CASZ1: variants seen among roughly 807,000 people sequenced by gnomAD.
CASZ1 encodes the protein zinc finger protein castor homolog 1.
In CASZ1, 28 loss-of-function variants were observed where a neutral mutation model predicts 135.2. That is an observed-to-expected ratio of 0.21 (90% CI 0.15 to 0.28). CASZ1 has a LOEUF of 0.28. Ranked by LOEUF, CASZ1 falls within the 10% of genes least tolerant of loss-of-function variation. The pLI is 1.00. For synonymous variants in CASZ1, 1,068 were observed against 1,073.4 expected, an observed-to-expected ratio of 0.99 and a Z score of 0.10; for missense variants, 2,161 against 2,453.3, an observed-to-expected ratio of 0.88 and a Z score of 2.52.
rs1639777010 is a variant in CASZ1 at position 10,735,359 on chromosome 1, G to A, written c.-77+25342C>T. ...CCACGGGCCCCAAGCTGCATTCTGAGCTGACGAGAGAGGCGCCTGCAAACG... is the reference window on the plus strand; with the variant it reads ...CCACGGGCCCCAAGCTGCATTCTGAACTGACGAGAGAGGCGCCTGCAAACG... On this transcript the variant is annotated intron_variant, in intron 2 of 20. Transcript: ENST00000377022. The surrounding 1 kb of genome is among the most constrained non-coding windows in gnomAD (Gnocchi z 5.1). Among the ~76,000 whole-genome samples, 1 of 152,200 alleles carries A rather than the reference G, an allele frequency of 6.6e-6. No homozygotes were observed. Among genetic ancestry groups the A allele is most frequent in the Non-Finnish European group, 1.5e-5 (1 of 68,030 alleles).
At position 10,747,701 on chromosome 1, in the gene CASZ1, T is replaced by C. The variant is rs774754095; in HGVS notation, c.-77+13000A>G. 6.6e-6 allele frequency among the ~76,000 whole-genome samples: 1 copy of C among 152,068 alleles called. No homozygotes were observed. The highest frequency in any genetic ancestry group is 1.5e-5 in the Non-Finnish European group (1 of 68,010). On this transcript the variant is annotated intron_variant, in intron 2 of 20. Coordinates refer to ENST00000377022, the MANE Select transcript of CASZ1 (RefSeq NM_001079843.3). The surrounding 1 kb of genome is among the most constrained non-coding windows in gnomAD (Gnocchi z 4.3). ...CACACTGAAGACCCCCACTCTGCTC[T>C]CTTGTGGGTCACTGCAGCTGCCTGG...
intron 5 of CASZ1, chr1:10,660,868 G>A (rs1403839535): frequency 3.2e-6 from 1 of 316,396 alleles, no homozygotes; most frequent in African/African-American, 2.2e-5. Flanking sequence ...TAATATGAAA[G>A]AGAAGTCATT....
At chr1:10,789,729 G>T (rs1640921576) in intron 1 of CASZ1, among the ~76,000 whole-genome samples, 1 of 151,872 alleles carries the variant, frequency 6.6e-6, no homozygotes, top group Non-Finnish European at 1.5e-5. Context: ...CCTTCTCCCT[G>T]GTTGTCCTCA....
At chr1:10,654,391 C>T (rs747801443) in intron 10 of CASZ1, 28 bp downstream of exon 10, 60 of 1,607,274 alleles carry the variant, frequency 3.7e-5, no homozygotes, top group South Asian at 1.0e-4. Flanking sequence ...CTTCTGCCCA[C>T]GAAGGCCCCC....
Position 10,693,497 on chromosome 1 carries a change from C to CAAAAAAAAA in CASZ1, c.16+368_16+376dup, listed in dbSNP as rs1172496673. Among the ~76,000 whole-genome samples, 37 of 23,286 alleles carry CAAAAAAAAA rather than the reference C, an allele frequency of 1.6e-3. 8 individuals are homozygous for CAAAAAAAAA. The highest frequency in any genetic ancestry group is 6.3e-3 in the African/African-American group (35 of 5,586). The allele number at this position is 23,286 out of a possible 152,430, so 15.3% of individuals were successfully genotyped here. On this transcript the variant is annotated intron_variant, in intron 4 of 20. Coordinates refer to ENST00000377022, the MANE Select transcript of CASZ1 (RefSeq NM_001079843.3). Reference sequence around the variant, plus strand: ...GACACACAAAGATCTTTGCAGAGAACAAAAAAAAAAAAAAAAAAAAAAAAA... The same window carrying CAAAAAAAAA: ...GACACACAAAGATCTTTGCAGAGAACAAAAAAAAAAAAAAAAAAAAAAAAAAAAAAAAAA...
chr1:10,714,622 G>T (rs1639345649), intron 2 of CASZ1, among the ~76,000 whole-genome samples: 1 of 152,240 alleles, frequency 6.6e-6, no homozygotes, highest in South Asian at 2.1e-4. Flanking sequence ...TGCCCAGCCA[G>T]GAATGTGCTC....
intron 4 of CASZ1, among the ~76,000 whole-genome samples, chr1:10,672,209 C>G (rs188493533): frequency 0.024 from 3,419 of 143,760 alleles, 75 homozygotes; most frequent in Non-Finnish European, 0.038. Context: ...CTTCTCCCCC[C>G]TCCCCCCGCC....
rs1226035636 is a variant in CASZ1 at position 10,653,531 on chromosome 1, C to T, written c.2526G>A (p.Ser842=). 1.4e-5 allele frequency: 22 copies of T among 1,603,508 alleles called. No individual in the cohort carries two copies. Among genetic ancestry groups the T allele is most frequent in the African/African-American group, 4.0e-5 (3 of 74,804 alleles). ...ATPDTPTLVA[S]GAGDSAPVAA... ...CCACGGGGGCTGAGTCTCCAGCTCC[C>T]GAGGCGACCAGCGTGGGTGTGTCAG... The change falls in exon 11 of 21, where the codon TCG becomes TCA. Residue 842 remains serine, a synonymous_variant. Transcript: ENST00000377022.
In CASZ1 at chr1:10,759,027, G is replaced by A. The variant is rs895663913; in HGVS notation, c.-77+1674C>T. ...TGCATGACCCCTGGGAGTCAACAGC[G>A]AATGGAAACTTCAGAAAGGGAAAAA... is the stretch of plus-strand genomic sequence containing the variant. On this transcript the variant is annotated intron_variant, in intron 2 of 20. Coordinates refer to ENST00000377022, the MANE Select transcript of CASZ1 (RefSeq NM_001079843.3). This position sits in a 1 kb window ranked among gnomAD's most constrained non-coding sequence, Gnocchi z 4.2. 3.7e-4 allele frequency among the ~76,000 whole-genome samples: 56 copies of A among 152,288 alleles called. No homozygotes were observed. The highest frequency in any genetic ancestry group is 1.2e-3 in the African/African-American group (51 of 41,552).
chr1:10,740,625 T>C (rs1483751716), intron 2 of CASZ1, among the ~76,000 whole-genome samples: 1 of 152,094 alleles, frequency 6.6e-6, no homozygotes, highest in African/African-American at 2.4e-5. Flanking sequence ...GAAGAGAAAC[T>C]GCAAATTGCG....
chr1:10,740,932 T>A (rs1444894270), intron 2 of CASZ1, among the ~76,000 whole-genome samples: 14 of 119,436 alleles, frequency 1.2e-4, no homozygotes, highest in Admixed American at 2.6e-4. Context: ...CACACCAGCC[T>A]GGGCGACAGG....
intron 1 of CASZ1, among the ~76,000 whole-genome samples, chr1:10,766,552 G>C (rs1011887204): frequency 4.6e-5 from 7 of 152,194 alleles, no homozygotes; most frequent in Admixed American, 6.5e-5. Flanking sequence ...TTCTGGCCGG[G>C]CTGAAAGGTG....
chr1:10,639,089 G>C lies in CASZ1; in HGVS notation c.5133C>G (p.Asp1711Glu), dbSNP rs1454111756. 9.6e-7 allele frequency: 1 copy of C among 1,041,772 alleles called. No individual in the cohort carries two copies. Among genetic ancestry groups the C allele is most frequent in the Non-Finnish European group, 1.2e-6 (1 of 832,780 alleles). 64.5% of individuals were successfully genotyped at this position (1,041,772 alleles called of 1,614,324 possible). The part of the protein sequence containing the change: ...DDDEDDDEDD[D>E]DEDLRTDSEE... ...CCGAGTCGGTGCGCAGGTCCTCGTC[G>C]TCGTCGTCCTCGTCGTCGTCCTCGT... is the stretch of plus-strand genomic sequence containing the variant. Residue 1711 changes from aspartate (D) to glutamate (E), a missense_variant, in exon 21 of 21, where the codon GAC (aspartate) becomes GAG (glutamate). By Grantham distance (45) the Asp-to-Glu change is conservative. This residue lies in a region of CASZ1 where 185 missense variants were observed against 134.7 expected (regional missense o/e 1.37). Transcript: ENST00000377022. This position sits in a 1 kb window ranked among gnomAD's most constrained non-coding sequence, Gnocchi z 4.0.
In CASZ1 at chr1:10,747,732, G is replaced by A. The variant is rs1340590862; in HGVS notation, c.-77+12969C>T. ...GGGTCACTGCAGCTGCCTGGAATTA[G>A]GGGTGTCTCACCACACCTAGCTCCC... On this transcript the variant is annotated intron_variant, in intron 2 of 20. Coordinates refer to ENST00000377022, the MANE Select transcript of CASZ1 (RefSeq NM_001079843.3). The surrounding 1 kb of genome is among the most constrained non-coding windows in gnomAD (Gnocchi z 4.3). Among the ~76,000 whole-genome samples, 29 of 152,108 alleles carry A rather than the reference G, an allele frequency of 1.9e-4. No homozygotes were observed. Among genetic ancestry groups the A allele is most frequent in the Admixed American group, 1.9e-3 (29 of 15,278 alleles).
intron 5 of CASZ1, chr1:10,660,919 C>G: frequency 4.2e-6 from 1 of 240,952 alleles, no homozygotes; most frequent in Non-Finnish European, 8.1e-6. Context: ...CCTCCCAGGA[C>G]AGGGAGCGGC....
intron 5 of CASZ1, among the ~76,000 whole-genome samples, chr1:10,663,271 G>A (rs974296505): frequency 1.3e-5 from 2 of 152,180 alleles, no homozygotes; most frequent in Non-Finnish European, 2.9e-5. Context: ...GCCTGGGGAG[G>A]GGAGGACACC....
At chr1:10,786,107 C>T (rs1181959293) in intron 1 of CASZ1, among the ~76,000 whole-genome samples, 5 of 152,220 alleles carry the variant, frequency 3.3e-5, no homozygotes, top group Non-Finnish European at 7.3e-5. Flanking sequence ...ATTGCCAGCA[C>T]CCAGAATTCA....
chr1:10,639,315 G>A lies in CASZ1; in HGVS notation c.4907C>T (p.Ala1636Val). The change falls in exon 21 of 21, where the codon GCC becomes GTC. Residue 1636 changes from alanine to valine, a missense_variant. Physicochemically the swap from Ala to Val is moderately conservative, Grantham distance 64. Transcript: ENST00000377022. The surrounding 1 kb of genome is among the most constrained non-coding windows in gnomAD (Gnocchi z 4.0). ...PGSLLFLQSA[A>V]AGLGLALGDA... ...GCCCAGCGCCAGGCCCAGGCCGGCG[G>A]CCGCCGACTGCAGGAAGAGCAGCGA... 7 of 1,436,218 alleles carry A rather than the reference G, an allele frequency of 4.9e-6. No individual in the cohort carries two copies. Among genetic ancestry groups the A allele is most frequent in the Non-Finnish European group, 6.3e-6 (7 of 1,103,740 alleles). 89.0% of individuals were successfully genotyped at this position (1,436,218 alleles called of 1,614,324 possible).
chr1:10,737,469 G>T (rs1639822499), intron 2 of CASZ1, among the ~76,000 whole-genome samples: 1 of 152,246 alleles, frequency 6.6e-6, no homozygotes, highest in African/African-American at 2.4e-5. Context: ...GGAGGGCAGA[G>T]AAGTGGGTGG....
Sources: allele counts gnomAD v4.1 joint callset (sites outside exome capture counted in the v4.1 genomes callset), GRCh38; gene constraint gnomAD v4.1.1; regional missense constraint gnomAD v4.1.1; non-coding constraint Gnocchi (gnomAD v3.1); transcripts MANE v1.5; gene names NCBI Gene and HGNC (gene_info 2026-07-23, HGNC 2026-07-21).